Variants in SLCO4C1 observed in about 807,000 individuals in gnomAD.
The protein encoded by SLCO4C1 is organic anion transporter M1.
Under a neutral mutation model 72.1 loss-of-function variants are expected in SLCO4C1, and 58 were observed. The observed-to-expected ratio is 0.80, with a 90% CI of 0.65 to 1.00. SLCO4C1 has a LOEUF of 1.00. Ranked by LOEUF, SLCO4C1 falls within the 50% of genes least tolerant of loss-of-function variation. SLCO4C1 has a pLI of 0.00. For missense variants in SLCO4C1, 898 were observed against 857.9 expected (o/e 1.05, Z -0.58); for synonymous variants, 297 against 312.5 (o/e 0.95, Z 0.52).
chr5:102,255,366 T>C (rs1312767376), intron 8 of SLCO4C1, among the ~76,000 whole-genome samples: 1 of 152,196 alleles, frequency 6.6e-6, no homozygotes, highest in African/African-American at 2.4e-5. Flanking sequence ...ACTTTGTTAC[T>C]CAAGGTGATA....
intron 3 of SLCO4C1, among the ~76,000 whole-genome samples, chr5:102,267,590 T>C (rs969891912): frequency 2.0e-5 from 3 of 151,456 alleles, no homozygotes; most frequent in East Asian, 1.9e-4. Context: ...GTAGTTTTTT[T>C]TTTTTTTAAC....
intron 2 of SLCO4C1, among the ~76,000 whole-genome samples, chr5:102,280,050 A>C (rs1232381720): frequency 7.0e-6 from 1 of 143,752 alleles, no homozygotes; most frequent in African/African-American, 2.6e-5. Context: ...CACCATTCTT[A>C]CTCAAAATAG....
chr5:102,252,490 C>T (rs1024467306), intron 8 of SLCO4C1, among the ~76,000 whole-genome samples: 2 of 152,100 alleles, frequency 1.3e-5, no homozygotes, highest in Admixed American at 6.6e-5. Context: ...TGATCACATT[C>T]ACAAAAGCCA....
At position 102,262,002 on chromosome 5, in the gene SLCO4C1, A is replaced by C; in HGVS notation, c.931T>G (p.Leu311Val). The change falls in exon 5 of 13, where the codon TTG becomes GTG. Residue 311 changes from leucine (L) to valine (V), a missense_variant. Coordinates refer to ENST00000310954, the MANE Select transcript of SLCO4C1 (RefSeq NM_180991.5). Reference sequence around the variant, plus strand: ...AGAAACCCAATCCACCAAGCTCCCAACCATCGCGGATCATCCTCAGTGACA... The same window carrying C: ...AGAAACCCAATCCACCAAGCTCCCACCCATCGCGGATCATCCTCAGTGACA... ...TDVTEDDPRW[L>V]GAWWIGFLLS... 4 of 1,613,058 alleles carry C rather than the reference A, an allele frequency of 2.5e-6. No homozygotes were observed. The highest frequency in any genetic ancestry group is 3.4e-6 in the Non-Finnish European group (4 of 1,179,386).
chr5:102,291,338 C>T lies in SLCO4C1; in HGVS notation c.619+5G>A. 1 of 1,609,680 alleles carries T rather than the reference C, an allele frequency of 6.2e-7. No individual in the cohort carries two copies. On this transcript the variant is annotated splice_donor_5th_base_variant and intron_variant, in intron 2 of 12. Coordinates refer to ENST00000310954, the MANE Select transcript of SLCO4C1 (RefSeq NM_180991.5). ...AAAACAAACATAAACACAATAGAAA[C>T]TTACCTTCAAAAAGAGACCCCAATT...
intron 2 of SLCO4C1, among the ~76,000 whole-genome samples, chr5:102,287,534 C>CTT (rs148132091): frequency 0.01 from 824 of 79,724 alleles, no homozygotes; most frequent in Non-Finnish European, 0.013. Context: ...TTTTTCACTT[C>CTT]TTTTTTTTTT....
Position 102,240,710 on chromosome 5 carries a change from T to C in SLCO4C1, c.1876+8A>G. The C allele has an allele frequency of 6.2e-7, 1 of 1,606,900 alleles. No homozygotes were observed. On this transcript the variant is annotated splice_region_variant and intron_variant, in intron 11 of 12. Transcript: ENST00000310954. ...ACAGTTAGCAATGAATAAAGAAAAA[T>C]GGCATACCTAATAATCGAAGGACCA...
chr5:102,281,307 C>A (rs1749352151), intron 2 of SLCO4C1, among the ~76,000 whole-genome samples: 1 of 152,036 alleles, frequency 6.6e-6, no homozygotes, highest in African/African-American at 2.4e-5. Flanking sequence ...AAATATATCA[C>A]AGACTTAAAT....
chr5:102,266,777 C>G (rs1337974051), intron 3 of SLCO4C1, among the ~76,000 whole-genome samples: 1 of 152,072 alleles, frequency 6.6e-6, no homozygotes, highest in Non-Finnish European at 1.5e-5. Flanking sequence ...CCATATACGG[C>G]CTTTACTGTG....
intron 4 of SLCO4C1, among the ~76,000 whole-genome samples, chr5:102,262,615 G>A (rs1377360560): frequency 2.0e-5 from 3 of 152,034 alleles, no homozygotes; most frequent in Non-Finnish European, 2.9e-5. Flanking sequence ...TGGGACTTCA[G>A]GCACAAGCCA....
intron 10 of SLCO4C1, among the ~76,000 whole-genome samples, chr5:102,241,839 A>C (rs1748545063): frequency 6.7e-6 from 1 of 148,866 alleles, no homozygotes; most frequent in Non-Finnish European, 1.5e-5. Flanking sequence ...CCAAGTTAAT[A>C]ATTATCTACA....
At chr5:102,287,272 C>A (rs1749470313) in intron 2 of SLCO4C1, among the ~76,000 whole-genome samples, 1 of 152,032 alleles carries the variant, frequency 6.6e-6, no homozygotes. Context: ...GTTATAGATT[C>A]CCATACTTGC....
At chr5:102,246,600 AC>A (rs150382448) in intron 10 of SLCO4C1, among the ~76,000 whole-genome samples, 3,060 of 152,260 alleles carry the variant, frequency 0.02, 108 homozygotes, top group African/African-American at 0.07. Flanking sequence ...CTGCACATGT[AC>A]CCCTGAGCTT....
At chr5:102,256,989 A>T in intron 8 of SLCO4C1, 126 bp downstream of exon 8, 1 of 644,514 alleles carries the variant, frequency 1.6e-6, no homozygotes, top group Non-Finnish European at 2.4e-6. Context: ...ACATGTTCTT[A>T]CATAGGAAAA....
At chr5:102,245,245 C>T (rs1748615538) in intron 10 of SLCO4C1, among the ~76,000 whole-genome samples, 1 of 152,088 alleles carries the variant, frequency 6.6e-6, no homozygotes, top group South Asian at 2.1e-4. Context: ...TCAGAAAACA[C>T]AGCCTGGTTG....
At chr5:102,260,021 G>C (rs1368650381) in intron 6 of SLCO4C1, among the ~76,000 whole-genome samples, 192 bp downstream of exon 6, 4 of 151,502 alleles carry the variant, frequency 2.6e-5, no homozygotes, top group Non-Finnish European at 5.9e-5. Context: ...TGCATGTGTG[G>C]GTATGTGTTG....
At chr5:102,255,301 C>A (rs1168994560) in intron 8 of SLCO4C1, among the ~76,000 whole-genome samples, 1 of 152,138 alleles carries the variant, frequency 6.6e-6, no homozygotes, top group African/African-American at 2.4e-5. Context: ...ACCTGGACAG[C>A]ACACCTGGTA....
At chr5:102,262,697 C>T (rs568666790) in intron 4 of SLCO4C1, among the ~76,000 whole-genome samples, 2 of 152,174 alleles carry the variant, frequency 1.3e-5, no homozygotes, top group Admixed American at 1.3e-4. Context: ...GCCACTGTGC[C>T]GAGCCAGGAG....
At chr5:102,266,508 G>C (rs573357507) in intron 3 of SLCO4C1, among the ~76,000 whole-genome samples, 4 of 152,224 alleles carry the variant, frequency 2.6e-5, no homozygotes, top group Admixed American at 2.0e-4. Context: ...AAATTAGCCA[G>C]GTGTGGTGGC....
Sources: allele counts gnomAD v4.1 joint callset (sites outside exome capture counted in the v4.1 genomes callset), GRCh38; gene constraint gnomAD v4.1.1; transcripts MANE v1.5; gene names NCBI Gene and HGNC (gene_info 2026-07-23, HGNC 2026-07-21).